ATRNL1: variants seen among roughly 807,000 people sequenced by gnomAD.
ATRNL1 encodes the protein attractin like 1.
In ATRNL1, 95 loss-of-function variants were observed where a neutral mutation model predicts 182.7. The ratio of observed to expected loss-of-function variants is 0.52; its 90% CI spans 0.44 to 0.62. ATRNL1 has a LOEUF of 0.62. Ranked by LOEUF, ATRNL1 falls within the 20% of genes least tolerant of loss-of-function variation. The pLI is 0.00. For synonymous variants in ATRNL1, 576 were observed against 568.3 expected, an observed-to-expected ratio of 1.01 and a Z score of -0.19; for missense variants, 1,471 against 1,679.5, an observed-to-expected ratio of 0.88 and a Z score of 2.17.
intron 27 of ATRNL1, among the ~76,000 whole-genome samples, chr10:115,845,771 AAAC>A (rs1555098592): frequency 6.6e-6 from 1 of 152,050 alleles, no homozygotes; most frequent in African/African-American, 2.4e-5. Flanking sequence ...TAAAAAGAAA[AAAC>A]AAAGAAAAGC....
chr10:115,683,422 A>G (rs1433423119), intron 26 of ATRNL1, among the ~76,000 whole-genome samples: 1 of 151,932 alleles, frequency 6.6e-6, no homozygotes, highest in Non-Finnish European at 1.5e-5. Context: ...TAAGGAAAGC[A>G]TTATTTCTAC....
chr10:115,093,986 G>T lies in ATRNL1; in HGVS notation c.236G>T (p.Cys79Phe). The T allele has an allele frequency of 6.3e-7, 1 of 1,585,366 alleles. No individual in the cohort carries two copies. Among genetic ancestry groups the T allele is most frequent in the Non-Finnish European group, 8.6e-7 (1 of 1,167,418 alleles). The change falls in exon 1 of 29, where the codon TGC becomes TTC. Residue 79 changes from cysteine (C) to phenylalanine (F), a missense_variant. This residue lies in a region of ATRNL1 where 1,031 missense variants were observed against 1,156.0 expected (regional missense o/e 0.89). Coordinates refer to ENST00000355044, the MANE Select transcript of ATRNL1 (RefSeq NM_207303.4). The surrounding 1 kb of genome is among the most constrained non-coding windows in gnomAD (Gnocchi z 6.1). ...TCGGGCCGCTGTGTCAACTCCACCT[G>T]CCTCTGCGACCCGGGCTGGGTGGGG... ...CFSGRCVNST[C>F]LCDPGWVGDQ...
Position 115,907,764 on chromosome 10 carries a change from G to A in ATRNL1, c.4019-36894G>A, listed in dbSNP as rs562044804. Among the ~76,000 whole-genome samples the A allele has an allele frequency of 4.0e-4, 61 of 151,956 alleles. No individual in the cohort carries two copies. The South Asian group carries it at 9.8e-3, about 24-fold the overall frequency. On this transcript the variant is annotated intron_variant, in intron 28 of 28. Coordinates refer to ENST00000355044, the MANE Select transcript of ATRNL1 (RefSeq NM_207303.4). ...ATTTTAAAATATTTTATAATAAAAT[G>A]TTATATTTAATGTGAGTACCTTTTA...
chr10:115,762,637 C>G (rs1299045627), intron 27 of ATRNL1, among the ~76,000 whole-genome samples: 2 of 151,960 alleles, frequency 1.3e-5, no homozygotes, highest in Non-Finnish European at 2.9e-5. Context: ...TACATCCCAC[C>G]TAAAACTAAC....
At chr10:115,674,615 G>T (rs1689670557) in intron 26 of ATRNL1, among the ~76,000 whole-genome samples, 1 of 152,002 alleles carries the variant, frequency 6.6e-6, no homozygotes, top group Admixed American at 6.6e-5. Context: ...TGAAATTTTT[G>T]TAAGTACTTA....
At chr10:115,385,057 T>C (rs1273403142) in intron 19 of ATRNL1, among the ~76,000 whole-genome samples, 2 of 152,064 alleles carry the variant, frequency 1.3e-5, no homozygotes, top group African/African-American at 2.4e-5. Flanking sequence ...GTAAATACTT[T>C]AGAGTGGAAT....
intron 27 of ATRNL1, among the ~76,000 whole-genome samples, chr10:115,771,733 A>G (rs1555076453): frequency 6.6e-6 from 1 of 152,218 alleles, no homozygotes; most frequent in Admixed American, 6.5e-5. Flanking sequence ...AGTTAAAAAC[A>G]TAAGAGATCA....
At chr10:115,890,793 C>G (rs1555111029) in intron 28 of ATRNL1, among the ~76,000 whole-genome samples, 1 of 152,134 alleles carries the variant, frequency 6.6e-6, no homozygotes, top group African/African-American at 2.4e-5. Context: ...GTGTCTGACA[C>G]CTTCGGTTTA....
rs1436863188 is a variant in ATRNL1 at position 115,514,027 on chromosome 10, TAG to T, written c.3655-5232_3655-5231del. 2.0e-5 allele frequency among the ~76,000 whole-genome samples: 3 copies of T among 152,106 alleles called. No homozygotes were observed. In the South Asian group the frequency reaches 6.2e-4, roughly 32 times the overall value. ...TCTGTATTTCAGATGGTACTTTTTA[TAG>T]AGACTTTACCCATACACTTCATCCC... On this transcript the variant is annotated intron_variant, in intron 24 of 28. Coordinates refer to ENST00000355044, the MANE Select transcript of ATRNL1 (RefSeq NM_207303.4).
At chr10:115,911,548 A>G (rs1253977045) in intron 28 of ATRNL1, among the ~76,000 whole-genome samples, 1 of 152,310 alleles carries the variant, frequency 6.6e-6, no homozygotes, top group East Asian at 1.9e-4. Context: ...CGAACTCCTC[A>G]GGTGGTCCAC....
Position 115,160,149 on chromosome 10 carries a change from C to A in ATRNL1, c.939C>A (p.His313Gln). 1 of 1,611,704 alleles carries A rather than the reference C, an allele frequency of 6.2e-7. No individual in the cohort carries two copies. ...GGGCTTCACATAAAGCAGTTTTACA[C>A]GGGAAATTTATGTGGGTGATTGGTG... ...VGRASHKAVL[H>Q]GKFMWVIGGY... The change falls in exon 6 of 29, where the codon CAC becomes CAA. Residue 313 changes from histidine (H) to glutamine (Q), a missense_variant. By Grantham distance (24) the His-to-Gln change is conservative. Coordinates refer to ENST00000355044, the MANE Select transcript of ATRNL1 (RefSeq NM_207303.4).
chr10:115,192,575 T>A (rs1312751853), intron 8 of ATRNL1, among the ~76,000 whole-genome samples: 1 of 152,138 alleles, frequency 6.6e-6, no homozygotes, highest in Non-Finnish European at 1.5e-5. Context: ...CTTTGGCTAT[T>A]CTGGGTCTTT....
intron 17 of ATRNL1, among the ~76,000 whole-genome samples, chr10:115,304,930 T>G (rs1294924102): frequency 1.3e-5 from 2 of 152,168 alleles, no homozygotes; most frequent in African/African-American, 4.8e-5. Flanking sequence ...GAAACACTTT[T>G]GGAGGTGTTT....
intron 27 of ATRNL1, among the ~76,000 whole-genome samples, chr10:115,840,853 A>T (rs566612178): frequency 2.0e-4 from 31 of 152,014 alleles, no homozygotes; most frequent in Non-Finnish European, 3.2e-4. Flanking sequence ...TGAAAAAAAA[A>T]GCCTAAGTCT....
intron 27 of ATRNL1, among the ~76,000 whole-genome samples, chr10:115,825,867 CT>C (rs1446035685): frequency 7.2e-4 from 110 of 152,036 alleles, no homozygotes; most frequent in African/African-American, 2.3e-3. Flanking sequence ...GCATTGTGAC[CT>C]TTTTTTTCCC....
At chr10:115,269,792 A>G (rs956088475) in intron 13 of ATRNL1, among the ~76,000 whole-genome samples, 6 of 152,208 alleles carry the variant, frequency 3.9e-5, no homozygotes, top group Non-Finnish European at 1.5e-5. Context: ...AAAGGCAAAG[A>G]AAAGGGAGTT....
chr10:115,899,016 G>T (rs1555113095), intron 28 of ATRNL1, among the ~76,000 whole-genome samples: 1 of 148,688 alleles, frequency 6.7e-6, no homozygotes, highest in African/African-American at 2.5e-5. Context: ...GTGCAGGTTT[G>T]TTACACATGT....
intron 17 of ATRNL1, among the ~76,000 whole-genome samples, chr10:115,314,894 T>G (rs1854217651): frequency 6.6e-6 from 1 of 152,200 alleles, no homozygotes; most frequent in African/African-American, 2.4e-5. Context: ...AAAACTAGAA[T>G]GTGTGCTCTG....
rs1346908673 is a variant in ATRNL1 at position 115,821,472 on chromosome 10, A to C, written c.3904-26405A>C. ...AAGTGTAAACGGGCCAAATGCCCCC[A>C]ATTAAAAGACACAGACTGGCAAGAT... On this transcript the variant is annotated intron_variant, in intron 27 of 28. Coordinates refer to ENST00000355044, the MANE Select transcript of ATRNL1 (RefSeq NM_207303.4). Among the ~76,000 whole-genome samples, 9 of 152,216 alleles carry C rather than the reference A, an allele frequency of 5.9e-5. No homozygotes were observed. The East Asian group carries it at 1.7e-3, about 30-fold the overall frequency.
Sources: allele counts gnomAD v4.1 joint callset (sites outside exome capture counted in the v4.1 genomes callset), GRCh38; gene constraint gnomAD v4.1.1; regional missense constraint gnomAD v4.1.1; non-coding constraint Gnocchi (gnomAD v3.1); transcripts MANE v1.5; gene names NCBI Gene and HGNC (gene_info 2026-07-23, HGNC 2026-07-21).